ANO2: variants seen among roughly 807,000 people sequenced by gnomAD.
The protein encoded by ANO2 is anoctamin 2.
In ANO2, 101 loss-of-function variants were observed where a neutral mutation model predicts 124.2. That is an observed-to-expected ratio of 0.81 (90% CI 0.69 to 0.96). The LOEUF (loss-of-function observed/expected upper bound fraction) is 0.96, where lower values mean the gene tolerates loss of function less well. Ranked by LOEUF, ANO2 falls within the 40% of genes least tolerant of loss-of-function variation. The pLI, the probability that ANO2 is intolerant of heterozygous loss-of-function variation, is 0.00. For missense variants in ANO2, 1,293 were observed against 1,274.5 expected (o/e 1.01, Z -0.22); for synonymous variants, 486 against 482.5 (o/e 1.01, Z -0.09).
chr12:5,940,653 C>A (rs1348030744), intron 1 of ANO2, among the ~76,000 whole-genome samples: 2 of 152,146 alleles, frequency 1.3e-5, no homozygotes, highest in Non-Finnish European at 1.5e-5. Context: ...GAAATCAGAA[C>A]CCTCATAAAT....
rs185065525 is a variant in ANO2, at chr12:5,666,762, C to G, written c.1546-18961G>C. On this transcript the variant is annotated intron_variant, in intron 14 of 24. Coordinates refer to ENST00000682330, the MANE Select transcript of ANO2 (RefSeq NM_001364791.2). ...CAACCAAAGAGCGCCTTTGCAGCAG[C>G]TGGCCCCCCCACCCACCCCAGCTTC... 2.3e-4 allele frequency among the ~76,000 whole-genome samples: 35 copies of G among 151,638 alleles called. No individual in the cohort carries two copies. The East Asian group carries it at 5.3e-3, about 23-fold the overall frequency.
At chr12:5,928,367 G>C (rs1029957193) in intron 1 of ANO2, among the ~76,000 whole-genome samples, 1 of 152,248 alleles carries the variant, frequency 6.6e-6, no homozygotes, top group Admixed American at 6.5e-5. Flanking sequence ...CAGAGCATCC[G>C]CACTCTCCCA....
intron 19 of ANO2, among the ~76,000 whole-genome samples, chr12:5,601,854 G>A (rs1196653691): frequency 1.3e-5 from 2 of 152,336 alleles, no homozygotes; most frequent in East Asian, 1.9e-4. Context: ...GTGTACGAGG[G>A]AGTCAGCAAA....
intron 4 of ANO2, 89 bp downstream of exon 4, chr12:5,853,954 A>T (rs951096110): frequency 2.0e-5 from 15 of 759,346 alleles, no homozygotes; most frequent in Non-Finnish European, 2.6e-5. Flanking sequence ...AATTCCACAA[A>T]ACCCACATCC....
chr12:5,764,401 A>G (rs562289509), intron 10 of ANO2, among the ~76,000 whole-genome samples: 1 of 152,340 alleles, frequency 6.6e-6, no homozygotes, highest in East Asian at 1.9e-4. Flanking sequence ...TCACAGCCCT[A>G]CAAGGTAGTA....
chr12:5,563,677 GC>G, intron 24 of ANO2, 109 bp from the exon 25 acceptor site: 1 of 1,411,622 alleles, frequency 7.1e-7, no homozygotes, highest in East Asian at 2.3e-5. Flanking sequence ...CAACTTACCA[GC>G]CCAGTGATCG....
intron 14 of ANO2, among the ~76,000 whole-genome samples, chr12:5,713,497 C>T (rs906189784): frequency 6.6e-6 from 1 of 152,134 alleles, no homozygotes; most frequent in African/African-American, 2.4e-5. Flanking sequence ...GGAACTTTGG[C>T]AGGTGGCTAA....
intron 7 of ANO2, among the ~76,000 whole-genome samples, chr12:5,812,698 GAA>G (rs368816290): frequency 0.012 from 1,566 of 132,142 alleles, no homozygotes; most frequent in East Asian, 0.018. Flanking sequence ...GAAAGAAAGA[GAA>G]AGAAAAGAAG....
At chr12:5,797,214 G>T (rs1591629152) in intron 10 of ANO2, among the ~76,000 whole-genome samples, 1 of 152,238 alleles carries the variant, frequency 6.6e-6, no homozygotes, top group Non-Finnish European at 1.5e-5. Context: ...GGAACCACAG[G>T]CTGGACTCTG....
rs996130675 is a variant in ANO2 at position 5,908,987 on chromosome 12, A to G, written c.534+12053T>C. Among the ~76,000 whole-genome samples, 1 of 152,206 alleles carries G rather than the reference A, an allele frequency of 6.6e-6. No homozygotes were observed. The highest frequency in any genetic ancestry group is 1.5e-5 in the Non-Finnish European group (1 of 68,040). ...ATCCGCCTTTTGAGCAGAATGCATC[A>G]TTACACGCTGTAGGTCCACAAAATA... On this transcript the variant is annotated intron_variant, in intron 3 of 24. Coordinates refer to ENST00000682330, the MANE Select transcript of ANO2 (RefSeq NM_001364791.2). The surrounding 1 kb of genome is among the most constrained non-coding windows in gnomAD (Gnocchi z 4.7).
At chr12:5,640,173 A>G (rs539649514) in intron 15 of ANO2, among the ~76,000 whole-genome samples, 2 of 152,282 alleles carry the variant, frequency 1.3e-5, no homozygotes, top group East Asian at 3.9e-4. Flanking sequence ...TCACCCCATG[A>G]AAAGCATTCC....
chr12:5,944,855 G>C lies in ANO2; in HGVS notation c.22+341C>G, dbSNP rs546762912. Among the ~76,000 whole-genome samples the C allele has an allele frequency of 6.6e-5, 10 of 152,172 alleles. No homozygotes were observed. In the South Asian group the frequency reaches 1.0e-3, roughly 16 times the overall value. ...TACCTTCAGATGCTGTAGGCTAAAC[G>C]TCCCCAGGACTTGTAACAAGGAGAG... On this transcript the variant is annotated intron_variant, in intron 1 of 24. Transcript: ENST00000682330.
At chr12:5,584,131 A>ACC (rs35425375) in intron 20 of ANO2, 5,170 of 133,126 alleles carry the variant, frequency 0.039, 127 homozygotes, top group Non-Finnish European at 0.052. Flanking sequence ...TTTAATGAAC[A>ACC]CCCCCCCCCC....
intron 16 of ANO2, among the ~76,000 whole-genome samples, chr12:5,628,075 G>A (rs896515422): frequency 3.1e-4 from 47 of 152,144 alleles, no homozygotes; most frequent in African/African-American, 1.1e-3. Flanking sequence ...ACCCCAGTCG[G>A]GGCAACAGAG....
At chr12:5,910,698 T>A (rs1940996743) in intron 3 of ANO2, among the ~76,000 whole-genome samples, 1 of 151,420 alleles carries the variant, frequency 6.6e-6, no homozygotes, top group Non-Finnish European at 1.5e-5. Flanking sequence ...GCCCCAGGAG[T>A]CATCAGATAT....
chr12:5,829,637 G>A (rs1228497966), intron 6 of ANO2, among the ~76,000 whole-genome samples: 1 of 152,192 alleles, frequency 6.6e-6, no homozygotes. Context: ...TACGTCCCAT[G>A]TGGGCATGTG....
rs577165008 is a variant in ANO2 at position 5,828,747 on chromosome 12, G to T, written c.841-927C>A. 2.6e-5 allele frequency among the ~76,000 whole-genome samples: 4 copies of T among 152,324 alleles called. No individual in the cohort carries two copies. In the South Asian group the frequency reaches 6.2e-4, roughly 24 times the overall value. On this transcript the variant is annotated intron_variant, in intron 6 of 24. Transcript: ENST00000682330. Reference sequence around the variant, plus strand: ...CACAAAAGAATCAGGGAGGGACAAAGGTGGGTCAGTGTAAACCTGCTGGCC... The same window carrying T: ...CACAAAAGAATCAGGGAGGGACAAATGTGGGTCAGTGTAAACCTGCTGGCC...
rs758080349 is a variant in ANO2, at chr12:5,635,391, C to A, written c.1621-44G>T. ...AGAAGTACACATCAGCCGGCAATTA[C>A]CGAGCACCTACTATTTGCTCTGCCA... On this transcript the variant is annotated intron_variant, in intron 15 of 24. Coordinates refer to ENST00000682330, the MANE Select transcript of ANO2 (RefSeq NM_001364791.2). The surrounding 1 kb of genome is among the most constrained non-coding windows in gnomAD (Gnocchi z 5.2). 1.4e-6 allele frequency: 2 copies of A among 1,431,932 alleles called. No individual in the cohort carries two copies. Among genetic ancestry groups the A allele is most frequent in the African/African-American group, 2.9e-5 (2 of 69,840 alleles). The allele number at this position is 1,431,932 out of a possible 1,614,324, so 88.7% of individuals were successfully genotyped here.
chr12:5,661,515 G>A (rs1038407169), intron 14 of ANO2, among the ~76,000 whole-genome samples: 1 of 152,130 alleles, frequency 6.6e-6, no homozygotes, highest in African/African-American at 2.4e-5. Context: ...TGCTGGGGGT[G>A]GGTGGGGACT....
Sources: gnomAD v4.1 joint callset for allele counts (sites outside exome capture counted in the v4.1 genomes callset) on GRCh38, gnomAD v4.1.1 for gene constraint, Gnocchi (gnomAD v3.1) non-coding constraint, MANE v1.5 for transcripts, NCBI Gene and HGNC (gene_info 2026-07-23, HGNC 2026-07-21) for gene names.